The following OSBPL8 variants were observed in gnomAD, a reference collection of about 807,000 sequenced individuals.
OSBPL8 encodes oxysterol binding protein like 8, also known as oxysterol-binding protein-related protein 8.
Under a neutral mutation model 125.5 loss-of-function variants are expected in OSBPL8, and 59 were observed. The ratio of observed to expected loss-of-function variants is 0.47; its 90% CI spans 0.38 to 0.58. The LOEUF (loss-of-function observed/expected upper bound fraction) is 0.58. Ranked by LOEUF, OSBPL8 falls within the 20% of genes least tolerant of loss-of-function variation. The probability of loss-of-function intolerance (pLI) is 0.00; values close to 1 mark genes in which losing one functional copy is unlikely to be tolerated. For missense variants in OSBPL8, 758 were observed against 1,047.8 expected, an observed-to-expected ratio of 0.72 and a Z score of 3.82; for synonymous variants, 330 against 338.9, an observed-to-expected ratio of 0.97 and a Z score of 0.29.
At chr12:76,467,218 T>C (rs753385989) in intron 2 of OSBPL8, among the ~76,000 whole-genome samples, 12 of 152,136 alleles carry the variant, frequency 7.9e-5, no homozygotes, top group South Asian at 2.1e-4. Context: ...CCTCCACACA[T>C]TGTCCTCCCA....
intron 1 of OSBPL8, among the ~76,000 whole-genome samples, chr12:76,499,818 A>C (rs1428754891): frequency 6.6e-6 from 1 of 151,400 alleles, no homozygotes; most frequent in Non-Finnish European, 1.5e-5. Flanking sequence ...ACACCACTGC[A>C]CTCCAGCCTG....
intron 1 of OSBPL8, among the ~76,000 whole-genome samples, chr12:76,502,836 C>G (rs1190959686): frequency 1.3e-5 from 2 of 152,174 alleles, no homozygotes; most frequent in Admixed American, 6.5e-5. Flanking sequence ...TGATCAGTTA[C>G]AGAGACAAAA....
intron 4 of OSBPL8, among the ~76,000 whole-genome samples, chr12:76,428,475 A>G (rs533625479): frequency 1.9e-4 from 29 of 152,256 alleles, no homozygotes; most frequent in African/African-American, 6.5e-4. Flanking sequence ...TTTCAATTCT[A>G]TAAAATTCTA....
At chr12:76,446,128 A>G (rs1872698629) in intron 4 of OSBPL8, among the ~76,000 whole-genome samples, 1 of 152,186 alleles carries the variant, frequency 6.6e-6, no homozygotes, top group African/African-American at 2.4e-5. Context: ...AAGGCATATA[A>G]AAGCCCTCAG....
At chr12:76,446,803 A>T (rs149136006) in intron 4 of OSBPL8, among the ~76,000 whole-genome samples, 1 of 152,184 alleles carries the variant, frequency 6.6e-6, no homozygotes, top group East Asian at 1.9e-4. Flanking sequence ...AAATACTATT[A>T]TCTTCACTTT....
chr12:76,468,279 A>T, intron 2 of OSBPL8, among the ~76,000 whole-genome samples: 1 of 152,172 alleles, frequency 6.6e-6, no homozygotes, highest in East Asian at 1.9e-4. Context: ...CTGATAGTTA[A>T]AATATTTTAC....
intron 4 of OSBPL8, among the ~76,000 whole-genome samples, chr12:76,415,924 T>TA (rs1868599841): frequency 6.6e-6 from 1 of 152,152 alleles, no homozygotes; most frequent in Non-Finnish European, 1.5e-5. Flanking sequence ...CATTAATTCT[T>TA]AGTCTTACAT....
At chr12:76,401,721 A>C (rs1282202151) in intron 6 of OSBPL8, among the ~76,000 whole-genome samples, 1 of 152,194 alleles carries the variant, frequency 6.6e-6, no homozygotes, top group African/African-American at 2.4e-5. Context: ...AATAACAAAG[A>C]ATGCCACAAC....
At chr12:76,500,066 C>A (rs1473486397) in intron 1 of OSBPL8, among the ~76,000 whole-genome samples, 1 of 152,142 alleles carries the variant, frequency 6.6e-6, no homozygotes, top group East Asian at 1.9e-4. Context: ...CAGTTTTATA[C>A]CTAGTTTTAT....
At chr12:76,382,504 T>C (rs1305561908) in intron 15 of OSBPL8, among the ~76,000 whole-genome samples, 2 of 152,176 alleles carry the variant, frequency 1.3e-5, no homozygotes, top group Non-Finnish European at 2.9e-5. Context: ...ATCTCCCAAC[T>C]GTGAGAACCC....
intron 19 of OSBPL8, 125 bp from the exon 20 acceptor site, chr12:76,369,947 C>T (rs1221301336): frequency 3.3e-6 from 3 of 910,602 alleles, no homozygotes; most frequent in Non-Finnish European, 4.9e-6. Flanking sequence ...TTTGACAACA[C>T]TTATGCTCAT....
chr12:76,494,671 T>C (rs1879091972), intron 1 of OSBPL8, among the ~76,000 whole-genome samples: 1 of 152,064 alleles, frequency 6.6e-6, no homozygotes, highest in Non-Finnish European at 1.5e-5. Context: ...ACTAGAAGGA[T>C]GGTGATCATT....
chr12:76,435,167 T>TGAGTGTGTGTGTGTGTGTGC, intron 4 of OSBPL8, among the ~76,000 whole-genome samples: 1 of 150,338 alleles, frequency 6.7e-6, no homozygotes, highest in Middle Eastern at 3.4e-3. Context: ...TGTGTGTGTG[T>TGAGTGTGTGTGTGTGTGTGC]GTGTGTGTGT....
intron 4 of OSBPL8, among the ~76,000 whole-genome samples, chr12:76,417,266 A>G (rs1286104964): frequency 6.6e-6 from 1 of 152,226 alleles, no homozygotes; most frequent in African/African-American, 2.4e-5. Flanking sequence ...GAAGAAGTCA[A>G]ACAGGTGTGA....
chr12:76,481,647 T>TA lies in OSBPL8; in HGVS notation c.42+5862dup, dbSNP rs577907173. ...CCTGTCTCTGCCAAAAATTTAAAAA[T>TA]AAAAAAAATGTGAATACTATTGTTA... On this transcript the variant is annotated intron_variant, in intron 2 of 23. Coordinates refer to ENST00000261183, the MANE Select transcript of OSBPL8 (RefSeq NM_020841.5). 1.9e-4 allele frequency among the ~76,000 whole-genome samples: 29 copies of TA among 151,788 alleles called. No individual in the cohort carries two copies. In the South Asian group the frequency reaches 4.8e-3, roughly 25 times the overall value.
intron 1 of OSBPL8, among the ~76,000 whole-genome samples, chr12:76,492,938 T>C (rs530265258): frequency 1.5e-5 from 2 of 135,604 alleles, no homozygotes; most frequent in Non-Finnish European, 3.0e-5. Context: ...ATATAGATAT[T>C]TTTTTTTTGC....
chr12:76,445,378 T>C (rs1473357111), intron 4 of OSBPL8, among the ~76,000 whole-genome samples: 1 of 152,088 alleles, frequency 6.6e-6, no homozygotes, highest in Non-Finnish European at 1.5e-5. Flanking sequence ...ACTGATAAAT[T>C]GGGCATCAAT....
In OSBPL8 at chr12:76,373,280, A is replaced by G. The variant is rs1952688145; in HGVS notation, c.1917+64T>C. ...CAACGGAATAAGTTTTAAATTTTAA[A>G]TGTGATTTTTTTTTTCCCACAGAAT... is the stretch of plus-strand genomic sequence containing the variant. On this transcript the variant is annotated intron_variant, in intron 18 of 23. Transcript: ENST00000261183. The G allele has an allele frequency of 6.8e-5, 68 of 1,000,422 alleles. No homozygotes were observed. The South Asian group carries it at 1.1e-3, about 17-fold the overall frequency. The allele number at this position is 1,000,422 out of a possible 1,614,324, so 62.0% of individuals were successfully genotyped here. A position where few individuals can be genotyped will look rare whatever the true frequency, so the allele number is the denominator to read the frequency against.
At chr12:76,405,375 C>T (rs1022982548) in intron 5 of OSBPL8, among the ~76,000 whole-genome samples, 1 of 152,090 alleles carries the variant, frequency 6.6e-6, no homozygotes, top group African/African-American at 2.4e-5. Flanking sequence ...AGGAGAATCA[C>T]CCGAGCCTAG....
Sources: allele counts gnomAD v4.1 joint callset (sites outside exome capture counted in the v4.1 genomes callset), GRCh38; gene constraint gnomAD v4.1.1; transcripts MANE v1.5; gene names NCBI Gene and HGNC (gene_info 2026-07-23, HGNC 2026-07-21).